DOP1B: variants seen among roughly 807,000 people sequenced by gnomAD.
The protein encoded by DOP1B is DOP1 leucine zipper like protein B, also known as protein DOP1B.
Under a neutral mutation model 233.5 loss-of-function variants are expected in DOP1B, and 174 were observed. The observed-to-expected ratio is 0.75, with a 90% CI of 0.66 to 0.85. The LOEUF is 0.85. Ranked by LOEUF, DOP1B falls within the 40% of genes least tolerant of loss-of-function variation. The pLI is 0.00. For synonymous variants in DOP1B, 1,190 were observed against 1,185.6 expected, an observed-to-expected ratio of 1.00 and a Z score of -0.08; for missense variants, 2,652 against 2,846.6, an observed-to-expected ratio of 0.93 and a Z score of 1.56.
chr21:36,245,160 C>T lies in DOP1B; in HGVS notation c.3180C>T (p.Thr1060=). The T allele has an allele frequency of 6.2e-7, 1 of 1,614,056 alleles. No homozygotes were observed. Among genetic ancestry groups the T allele is most frequent in the Non-Finnish European group, 8.5e-7 (1 of 1,180,042 alleles). The change falls in exon 19 of 37, where the codon ACC becomes ACT. Residue 1060 remains threonine (T), a synonymous_variant. Transcript: ENST00000691173. The surrounding 1 kb of genome is among the most constrained non-coding windows in gnomAD (Gnocchi z 5.5). The part of the protein sequence containing the change: ...SEEHLPLSQF[T]TVDREAIWAE... ...AGCACCTGCCTCTGAGCCAGTTCAC[C>T]ACAGTGGACCGTGAAGCCATTTGGG... is the stretch of plus-strand genomic sequence containing the variant.
intron 15 of DOP1B, among the ~76,000 whole-genome samples, chr21:36,236,751 TTTTTTTC>T (rs1293063871): frequency 1.4e-4 from 21 of 150,804 alleles, no homozygotes; most frequent in African/African-American, 4.6e-4. Context: ...GGGTTTTTCC[TTTTTTTC>T]TTTTTTCTTT....
intron 11 of DOP1B, among the ~76,000 whole-genome samples, chr21:36,224,333 CCA>C (rs1270795763): frequency 6.6e-6 from 1 of 152,000 alleles, no homozygotes; most frequent in African/African-American, 2.4e-5. Context: ...GTGCACGCCA[CCA>C]CACCCAGCTA....
chr21:36,242,151 CATTATT>C lies in DOP1B; in HGVS notation c.3067+2230_3067+2235del, dbSNP rs78154894. 3.2e-3 allele frequency among the ~76,000 whole-genome samples: 463 copies of C among 143,978 alleles called. 6 individuals are homozygous for C. Among genetic ancestry groups the C allele is most frequent in the African/African-American group, 8.0e-3 (313 of 38,970 alleles). The allele number at this position is 143,978 out of a possible 152,430, so 94.5% of individuals were successfully genotyped here. A position where few individuals can be genotyped will look rare whatever the true frequency, so the allele number is the denominator to read the frequency against. ...AGCTCTATCTCCACAGTTCCTTGGG[CATTATT>C]ATTATTATTATTATTATTATTATTA... On this transcript the variant is annotated intron_variant, in intron 18 of 36. Coordinates refer to ENST00000691173, the MANE Select transcript of DOP1B (RefSeq NM_001320714.2).
At position 36,199,195 on chromosome 21, in the gene DOP1B, G is replaced by A. The variant is rs1184885232; in HGVS notation, c.264G>A (p.Glu88=). The change falls in exon 3 of 37, where the codon GAG becomes GAA. Residue 88 remains glutamate (E), a synonymous_variant. Transcript: ENST00000691173. ...ACTTAAAAGCTCTGGAAACCTACGA[G>A]ATTATCTTTAAAATCGTGGGGACCA... ...GVHLKALETY[E]IIFKIVGTKW... 1.2e-6 allele frequency: 2 copies of A among 1,614,162 alleles called. No individual in the cohort carries two copies. The highest frequency in any genetic ancestry group is 1.7e-6 in the Non-Finnish European group (2 of 1,180,012).
rs369344935 is a variant in DOP1B at position 36,214,089 on chromosome 21, A to G, written c.913A>G (p.Ile305Val). ...RLYAWLLGSDIKGNTVVPESE... is the reference protein window; with the variant it reads ...RLYAWLLGSDVKGNTVVPESE... ...CGCTTGTTCTTTTGTAGGCTCAGAC[A>G]TAAAAGGAAATACCGTTGTGCCAGA... Residue 305 changes from isoleucine (I) to valine (V), a missense_variant, in exon 8 of 37, where the codon ATA becomes GTA. By Grantham distance (29) the Ile-to-Val change is conservative. Around this residue, in one of 3 missense-constraint regions of DOP1B, gnomAD observed 2,617 missense variants for 2,794.3 expected, o/e 0.94. Transcript: ENST00000691173. 182 of 1,613,158 alleles carry G rather than the reference A, an allele frequency of 1.1e-4. No individual in the cohort carries two copies. The highest frequency in any genetic ancestry group is 1.5e-4 in the Non-Finnish European group (175 of 1,179,650).
chr21:36,251,141 T>C lies in DOP1B; in HGVS notation c.4999-21T>C, dbSNP rs761624579. 5 of 1,598,072 alleles carry C rather than the reference T, an allele frequency of 3.1e-6. No individual in the cohort carries two copies. The African/African-American group carries it at 6.8e-5, about 22-fold the overall frequency. On this transcript the variant is annotated intron_variant, in intron 21 of 36. Transcript: ENST00000691173. ...AGCCCCAATATTACTCTGCAGTAACTTTTTTTTCCCTATTTTCTAGACCAT... is the reference window on the plus strand; with the variant it reads ...AGCCCCAATATTACTCTGCAGTAACCTTTTTTTCCCTATTTTCTAGACCAT...
chr21:36,178,122 G>C (rs2066052793), intron 2 of DOP1B, among the ~76,000 whole-genome samples: 1 of 152,174 alleles, frequency 6.6e-6, no homozygotes, highest in Admixed American at 6.5e-5. Context: ...ATCAAGGTAG[G>C]ATCTTTGGCA....
chr21:36,246,077 C>G lies in DOP1B; in HGVS notation c.4097C>G (p.Ser1366Trp). ...MMQLVSVAKS[S>W]EGKNVEFIHS... ...CAGCTGGTCTCAGTGGCCAAGTCTTCGGAAGGGAAGAACGTGGAGTTCATC... is the reference window on the plus strand; with the variant it reads ...CAGCTGGTCTCAGTGGCCAAGTCTTGGGAAGGGAAGAACGTGGAGTTCATC... The change falls in exon 19 of 37, where the codon TCG becomes TGG. Residue 1366 changes from serine (S) to tryptophan (W), a missense_variant. Physicochemically the swap from Ser to Trp is radical, Grantham distance 177. Around this residue, in one of 3 missense-constraint regions of DOP1B, gnomAD observed 2,617 missense variants for 2,794.3 expected, o/e 0.94. Transcript: ENST00000691173. The surrounding 1 kb of genome is among the most constrained non-coding windows in gnomAD (Gnocchi z 5.1). 6.2e-7 allele frequency: 1 copy of G among 1,614,066 alleles called. No homozygotes were observed. Among genetic ancestry groups the G allele is most frequent in the Non-Finnish European group, 8.5e-7 (1 of 1,180,024 alleles).
chr21:36,206,638 C>G (rs2066428815), intron 4 of DOP1B, among the ~76,000 whole-genome samples: 1 of 152,182 alleles, frequency 6.6e-6, no homozygotes, highest in South Asian at 2.1e-4. Context: ...GGTGGAACCC[C>G]TCTTCTGTGG....
chr21:36,228,378 T>C (rs1181085988), intron 13 of DOP1B, among the ~76,000 whole-genome samples: 1 of 150,668 alleles, frequency 6.6e-6, no homozygotes, highest in African/African-American at 2.4e-5. Flanking sequence ...CTGGAGAATC[T>C]CTTGAACCTG....
At position 36,251,179 on chromosome 21, in the gene DOP1B, T is replaced by C. The variant is rs749599208; in HGVS notation, c.5016T>C (p.Ile1672=). 2.5e-6 allele frequency: 4 copies of C among 1,612,078 alleles called. No individual in the cohort carries two copies. In the South Asian group the frequency reaches 3.3e-5, roughly 13 times the overall value. ...TTTTCTAGACCATAAGACAAAAAAT[T>C]TTAGACTTCTTAAACCCCTTGACGG... ...FKTTKTIRQK[I]LDFLNPLTAH... The change falls in exon 22 of 37, where the codon ATT becomes ATC. Residue 1672 remains isoleucine (I), a synonymous_variant. Coordinates refer to ENST00000691173, the MANE Select transcript of DOP1B (RefSeq NM_001320714.2).
At position 36,263,665 on chromosome 21, in the gene DOP1B, C is replaced by T; in HGVS notation, c.5420+15C>T. 1.2e-6 allele frequency: 2 copies of T among 1,613,140 alleles called. No individual in the cohort carries two copies. The highest frequency in any genetic ancestry group is 1.1e-5 in the South Asian group (1 of 91,056). On this transcript the variant is annotated intron_variant, in intron 25 of 36. Coordinates refer to ENST00000691173, the MANE Select transcript of DOP1B (RefSeq NM_001320714.2). Reference sequence around the variant, plus strand: ...CTGCTTCTCAGGTATCATGTCACCACATTGTCATTGTGTAATATTTTCTCT... The same window carrying T: ...CTGCTTCTCAGGTATCATGTCACCATATTGTCATTGTGTAATATTTTCTCT...
intron 15 of DOP1B, 57 bp from the exon 16 acceptor site, chr21:36,237,205 A>G: frequency 6.2e-7 from 1 of 1,609,448 alleles, no homozygotes; most frequent in Non-Finnish European, 8.5e-7. Flanking sequence ...TGAGGATGTG[A>G]GCGGATGTTG....
At chr21:36,205,706 T>G (rs997722948) in intron 4 of DOP1B, among the ~76,000 whole-genome samples, 1 of 151,620 alleles carries the variant, frequency 6.6e-6, no homozygotes, top group African/African-American at 2.4e-5. Flanking sequence ...GGTTTTGAAT[T>G]AAAAGTTTAG....
In DOP1B at chr21:36,260,209, AGGGAAGG is replaced by A. The variant is rs201829035; in HGVS notation, c.5260-459_5260-453del. 8.1e-3 allele frequency among the ~76,000 whole-genome samples: 1,165 copies of A among 143,138 alleles called. 12 individuals carry two copies. The highest frequency in any genetic ancestry group is 0.028 in the African/African-American group (1,103 of 39,716). The allele number at this position is 143,138 out of a possible 152,430, so 93.9% of individuals were successfully genotyped here. A position where few individuals can be genotyped will look rare whatever the true frequency, so the allele number is the denominator to read the frequency against. Reference sequence around the variant, plus strand: ...TGCAAAGAAAGAAAAAGGAAAGGGAAGGGAAGGGGGAAGGGAAGGGGAAGGGAAGGGA... The same window carrying A: ...TGCAAAGAAAGAAAAAGGAAAGGGAAGGGAAGGGAAGGGGAAGGGAAGGGA... On this transcript the variant is annotated intron_variant, in intron 23 of 36. Transcript: ENST00000691173.
chr21:36,163,891 G>C (rs549220281), intron 1 of DOP1B, among the ~76,000 whole-genome samples: 43 of 152,304 alleles, frequency 2.8e-4, no homozygotes, highest in African/African-American at 9.4e-4. Flanking sequence ...TTCATGACAG[G>C]TGCAAGATGT....
intron 24 of DOP1B, chr21:36,261,629 G>C: frequency 1.0e-6 from 1 of 985,116 alleles, no homozygotes; most frequent in Non-Finnish European, 1.2e-6. Flanking sequence ...TGAGGTGGCT[G>C]GGTGCGGTGG....
At chr21:36,272,089 A>G (rs2067295295) in intron 27 of DOP1B, among the ~76,000 whole-genome samples, 2 of 152,212 alleles carry the variant, frequency 1.3e-5, no homozygotes, top group Admixed American at 1.3e-4. Context: ...GTTTTATTTA[A>G]TACAGGAACA....
At chr21:36,244,227 G>A (rs1031881015) in intron 18 of DOP1B, among the ~76,000 whole-genome samples, 2 of 151,486 alleles carry the variant, frequency 1.3e-5, no homozygotes, top group East Asian at 3.9e-4. Flanking sequence ...TCTCCATGTT[G>A]GCCAGGCTGG....
Sources: allele counts gnomAD v4.1 joint callset (sites outside exome capture counted in the v4.1 genomes callset), GRCh38; gene constraint gnomAD v4.1.1; regional missense constraint gnomAD v4.1.1; non-coding constraint Gnocchi (gnomAD v3.1); transcripts MANE v1.5; gene names NCBI Gene and HGNC (gene_info 2026-07-23, HGNC 2026-07-21).